Variants in CNTNAP5 observed in about 807,000 individuals in gnomAD.
CNTNAP5 encodes the protein contactin-associated protein-like 5.
In CNTNAP5, 72 loss-of-function variants were observed where a neutral mutation model predicts 150.2. The observed-to-expected ratio is 0.48, with a 90% CI of 0.40 to 0.58. The LOEUF (loss-of-function observed/expected upper bound fraction) is 0.58, where lower values mean the gene tolerates loss of function less well. Among genes scored for constraint, CNTNAP5 ranks in the 20% least tolerant of loss-of-function variants. The probability of loss-of-function intolerance (pLI) is 0.00; values close to 1 mark genes in which losing one functional copy is unlikely to be tolerated. For synonymous variants in CNTNAP5, 672 were observed against 619.8 expected (o/e 1.08, Z -1.25); for missense variants, 1,636 against 1,626.2 (o/e 1.01, Z -0.10).
At chr2:124,583,108 TA>T (rs1696451496) in intron 11 of CNTNAP5, among the ~76,000 whole-genome samples, 1 of 152,336 alleles carries the variant, frequency 6.6e-6, no homozygotes, top group Non-Finnish European at 1.5e-5. Context: ...TAAGATTTAT[TA>T]GAATTTCCAC....
At chr2:124,098,560 A>C (rs1049481747) in intron 1 of CNTNAP5, among the ~76,000 whole-genome samples, 2 of 152,162 alleles carry the variant, frequency 1.3e-5, no homozygotes, top group Non-Finnish European at 2.9e-5. Flanking sequence ...ATAATCCTGA[A>C]GACAACCCTA....
intron 5 of CNTNAP5, among the ~76,000 whole-genome samples, chr2:124,438,115 T>C (rs1328322792): frequency 1.3e-5 from 2 of 152,150 alleles, no homozygotes; most frequent in African/African-American, 4.8e-5. Flanking sequence ...CCCTAACCCT[T>C]ACTGTGTCTG....
intron 1 of CNTNAP5, among the ~76,000 whole-genome samples, chr2:124,131,015 T>C (rs567938455): frequency 1.3e-5 from 2 of 152,294 alleles, no homozygotes; most frequent in South Asian, 4.1e-4. Context: ...ATTATAGTAA[T>C]AGCCATTTGT....
chr2:124,138,487 T>A (rs915495709), intron 1 of CNTNAP5, among the ~76,000 whole-genome samples: 6 of 152,190 alleles, frequency 3.9e-5, no homozygotes, highest in African/African-American at 1.4e-4. Context: ...CTTTCAGTGA[T>A]ATGTATGTAT....
intron 11 of CNTNAP5, among the ~76,000 whole-genome samples, chr2:124,600,542 T>A (rs1310598984): frequency 6.6e-6 from 1 of 152,162 alleles, no homozygotes; most frequent in Non-Finnish European, 1.5e-5. Flanking sequence ...CTCTTGCACC[T>A]GCCGCATCTC....
At chr2:124,252,497 G>A (rs1687209709) in intron 3 of CNTNAP5, among the ~76,000 whole-genome samples, 1 of 152,142 alleles carries the variant, frequency 6.6e-6, no homozygotes, top group South Asian at 2.1e-4. Context: ...AGCCCTCTCT[G>A]GGGAGAGGTG....
intron 1 of CNTNAP5, among the ~76,000 whole-genome samples, chr2:124,145,812 TA>T: frequency 0.042 from 2,722 of 64,164 alleles, 72 homozygotes; most frequent in African/African-American, 0.062. Flanking sequence ...AAAAAAACAT[TA>T]AAAAAAAAAA....
At chr2:124,634,753 C>A (rs1677937511) in intron 12 of CNTNAP5, among the ~76,000 whole-genome samples, 1 of 152,108 alleles carries the variant, frequency 6.6e-6, no homozygotes, top group African/African-American at 2.4e-5. Flanking sequence ...ATTCATCCAC[C>A]TATGCTTCCC....
chr2:124,607,260 C>T (rs1401686714), intron 11 of CNTNAP5, among the ~76,000 whole-genome samples: 1 of 152,026 alleles, frequency 6.6e-6, no homozygotes, highest in Non-Finnish European at 1.5e-5. Context: ...AAAAGATGTC[C>T]ACAGGGCTGC....
intron 21 of CNTNAP5, among the ~76,000 whole-genome samples, chr2:124,886,362 G>A (rs1201264829): frequency 6.6e-6 from 1 of 152,100 alleles, no homozygotes; most frequent in African/African-American, 2.4e-5. Flanking sequence ...AGAGCACTGT[G>A]ACAGTGAGCA....
At chr2:124,220,454 G>A (rs1265906814) in intron 1 of CNTNAP5, among the ~76,000 whole-genome samples, 1 of 152,064 alleles carries the variant, frequency 6.6e-6, no homozygotes, top group Non-Finnish European at 1.5e-5. Context: ...GGCTTGTTAT[G>A]TACCAGATTC....
intron 8 of CNTNAP5, among the ~76,000 whole-genome samples, chr2:124,521,722 C>T (rs1234907621): frequency 6.6e-6 from 1 of 152,166 alleles, no homozygotes; most frequent in East Asian, 1.9e-4. Context: ...TAGAGTTTAC[C>T]TGCAAATGCA....
At chr2:124,737,919 TA>T (rs35955894) in intron 13 of CNTNAP5, among the ~76,000 whole-genome samples, 6 of 151,742 alleles carry the variant, frequency 4.0e-5, no homozygotes, top group African/African-American at 7.3e-5. Context: ...GCTAGAACAT[TA>T]AAAAAAAGCA....
Position 124,517,407 on chromosome 2 carries a change from G to A in CNTNAP5, c.1328-6896G>A, listed in dbSNP as rs371262858. ...AAAGAGGGGTTGTGTTGTTGGTGAC[G>A]GAGGGTTGTGGTGTTGGTGATGGGA... On this transcript the variant is annotated intron_variant, in intron 8 of 23. Transcript: ENST00000682447. Among the ~76,000 whole-genome samples, 19 of 151,690 alleles carry A rather than the reference G, an allele frequency of 1.3e-4. No individual in the cohort carries two copies. The South Asian group carries it at 1.3e-3, about 10-fold the overall frequency.
intron 2 of CNTNAP5, among the ~76,000 whole-genome samples, chr2:124,222,574 G>A (rs890925143): frequency 6.6e-6 from 1 of 151,984 alleles, no homozygotes. Flanking sequence ...AGAAAAGCGT[G>A]TATGCAATTT....
At chr2:124,705,985 G>A (rs1679629214) in intron 13 of CNTNAP5, among the ~76,000 whole-genome samples, 1 of 152,136 alleles carries the variant, frequency 6.6e-6, no homozygotes, top group Non-Finnish European at 1.5e-5. Context: ...CACAGGCAAA[G>A]GGAAAACCTA....
chr2:124,223,876 T>C (rs191542241), intron 2 of CNTNAP5, among the ~76,000 whole-genome samples: 20 of 151,024 alleles, frequency 1.3e-4, no homozygotes, highest in African/African-American at 3.9e-4. Context: ...AGTGATACAG[T>C]TGGGATGCAC....
chr2:124,168,481 C>A (rs1234764966), intron 1 of CNTNAP5, among the ~76,000 whole-genome samples: 1 of 152,114 alleles, frequency 6.6e-6, no homozygotes, highest in Admixed American at 6.6e-5. Context: ...AGTTCTTCAT[C>A]TTGTAAACAT....
At chr2:124,471,816 G>A (rs560765395) in intron 6 of CNTNAP5, among the ~76,000 whole-genome samples, 2 of 152,198 alleles carry the variant, frequency 1.3e-5, no homozygotes, top group African/African-American at 4.8e-5. Flanking sequence ...CATCTACTGA[G>A]ATAATCATAT....
Sources: allele counts gnomAD v4.1 joint callset (sites outside exome capture counted in the v4.1 genomes callset), GRCh38; gene constraint gnomAD v4.1.1; transcripts MANE v1.5; gene names NCBI Gene and HGNC (gene_info 2026-07-23, HGNC 2026-07-21).